Variants in ZNF208 observed in about 807,000 individuals in gnomAD.
ZNF208 encodes zinc finger protein 208, also known as zinc finger protein 95.
ZNF208 carries 10 observed loss-of-function variants against 12.1 expected under a neutral mutation model. The ratio of observed to expected loss-of-function variants is 0.83; its 90% CI spans 0.51 to 1.40. The LOEUF is 1.40. ZNF208 is among the 40% of genes most tolerant of loss of function. The pLI, the probability that ZNF208 is intolerant of heterozygous loss-of-function variation, is 0.00. For missense variants in ZNF208, 1,652 were observed against 1,485.0 expected (o/e 1.11, Z -1.85); for synonymous variants, 497 against 488.4 (o/e 1.02, Z -0.23).
intron 1 of ZNF208, among the ~76,000 whole-genome samples, chr19:22,009,935 C>A (rs1294045380): frequency 6.6e-6 from 1 of 152,150 alleles, no homozygotes; most frequent in African/African-American, 2.4e-5. Context: ...CCTATAATCC[C>A]AGCATTTTGG....
intron 3 of ZNF208, among the ~76,000 whole-genome samples, chr19:21,983,261 T>A (rs1970576524): frequency 1.3e-5 from 2 of 151,782 alleles, no homozygotes; most frequent in Admixed American, 6.6e-5. Flanking sequence ...AAAAAGCACA[T>A]CATCACTGGT....
At chr19:22,010,704 G>C in intron 1 of ZNF208, 88 bp downstream of exon 1, 1 of 1,598,998 alleles carries the variant, frequency 6.3e-7, no homozygotes, top group Non-Finnish European at 8.6e-7. Context: ...GCTGACTGCG[G>C]GGAGGCCTGA....
chr19:21,953,207 A>G (rs935572416), intron 4 of ZNF208, among the ~76,000 whole-genome samples: 1 of 152,202 alleles, frequency 6.6e-6, no homozygotes, highest in Non-Finnish European at 1.5e-5. Context: ...CCTGAAAGTG[A>G]TGGGGAGAAT....
At chr19:21,945,079 C>T (rs906035706) in intron 4 of ZNF208, among the ~76,000 whole-genome samples, 1 of 152,324 alleles carries the variant, frequency 6.6e-6, no homozygotes, top group East Asian at 1.9e-4. Context: ...ATTTAAGATG[C>T]TAGTGAGATG....
intron 1 of ZNF208, chr19:21,997,964 G>A (rs1417762553): frequency 6.6e-6 from 1 of 151,900 alleles, no homozygotes; most frequent in Non-Finnish European, 1.5e-5. Context: ...AGTTAAAAGT[G>A]TCTTAAGAAA....
downstream of ZNF208, among the ~76,000 whole-genome samples, chr19:21,963,357 T>C (rs968512926): frequency 1.3e-5 from 2 of 152,098 alleles, no homozygotes; most frequent in Non-Finnish European, 2.9e-5. Context: ...GTACTATAAA[T>C]AAACAATCTT....
intron 4 of ZNF208, among the ~76,000 whole-genome samples, chr19:21,948,542 C>A (rs969512016): frequency 6.6e-6 from 1 of 152,146 alleles, no homozygotes; most frequent in Non-Finnish European, 1.5e-5. Flanking sequence ...ACTGAAGAAA[C>A]CCACATAATT....
intron 1 of ZNF208, chr19:21,991,811 A>G (rs1488220822): frequency 6.6e-6 from 1 of 151,810 alleles, no homozygotes; most frequent in East Asian, 1.9e-4. Flanking sequence ...TATTATTCAG[A>G]TGGAATAGAT....
chr19:22,001,907 A>C (rs928845096), intron 1 of ZNF208, among the ~76,000 whole-genome samples: 1 of 141,494 alleles, frequency 7.1e-6, no homozygotes, highest in Non-Finnish European at 1.5e-5. Context: ...AAAAAAAAAA[A>C]AAAAAAAAAA....
chr19:21,960,705 T>C lies in ZNF208; in HGVS notation c.305+14024A>G, dbSNP rs984766177. Among the ~76,000 whole-genome samples, 13 of 152,214 alleles carry C rather than the reference T, an allele frequency of 8.5e-5. No individual in the cohort carries two copies. The East Asian group carries it at 2.5e-3, about 29-fold the overall frequency. ...TGAGACCAGTCAGTATATTGTAGCT[T>C]TTTCTCCAGCCACAACCAGAAAGTC... On this transcript the variant is annotated intron_variant, in intron 4 of 4. Transcript: ENST00000599916.
chr19:22,006,420 C>G lies in ZNF208; in HGVS notation c.3+4372G>C, dbSNP rs553208060. ...TTTATTTTAAAACCTCTCGAATCTG[C>G]CTCAAAACAGTAACAATTTACTGTT... On this transcript the variant is annotated intron_variant, in intron 1 of 3. Coordinates refer to ENST00000397126, the MANE Select transcript of ZNF208 (RefSeq NM_007153.3). Among the ~76,000 whole-genome samples the G allele has an allele frequency of 1.5e-4, 23 of 152,026 alleles. No individual in the cohort carries two copies. In the South Asian group the frequency reaches 4.8e-3, roughly 32 times the overall value.
intron 1 of ZNF208, among the ~76,000 whole-genome samples, chr19:21,996,229 A>C (rs1482432704): frequency 6.6e-6 from 1 of 152,258 alleles, no homozygotes; most frequent in East Asian, 1.9e-4. Context: ...CCTGGAATCT[A>C]CACTTTCATT....
rs1970262168 is a variant in ZNF208, at chr19:21,970,690, T to C, written c.*501A>G. On this transcript the variant is annotated 3_prime_UTR_variant, in exon 4 of 4. Transcript: ENST00000397126. ...GCCTTTGCCACATTCTTCTCATTTGTAGAGTTTCTCTCCAGCATGAATTTT... is the reference window on the plus strand; with the variant it reads ...GCCTTTGCCACATTCTTCTCATTTGCAGAGTTTCTCTCCAGCATGAATTTT... 3 of 1,139,994 alleles carry C rather than the reference T, an allele frequency of 2.6e-6. No individual in the cohort carries two copies. The highest frequency in any genetic ancestry group is 2.5e-5 in the South Asian group (2 of 81,582). 70.6% of individuals were successfully genotyped at this position (1,139,994 alleles called of 1,614,324 possible).
chr19:21,994,463 A>G (rs997130309), intron 1 of ZNF208, among the ~76,000 whole-genome samples: 37 of 152,166 alleles, frequency 2.4e-4, no homozygotes, highest in African/African-American at 8.4e-4. Context: ...AAGGCCTCCA[A>G]AAAAGGGTGA....
rs1411071527 is a variant in ZNF208, at chr19:21,966,459, T to C, written c.*4732A>G. On this transcript the variant is annotated 3_prime_UTR_variant, in exon 4 of 4. Transcript: ENST00000397126. ...TACTTCATTCTCTTCTGTTGCTGCA[T>C]AGTATTGGAGGTTGTATAAGTACAT... is the stretch of plus-strand genomic sequence containing the variant. 1 of 152,134 alleles carries C rather than the reference T, an allele frequency of 6.6e-6. No individual in the cohort carries two copies. Among genetic ancestry groups the C allele is most frequent in the Non-Finnish European group, 1.5e-5 (1 of 67,996 alleles). 9.4% of individuals were successfully genotyped at this position (152,134 alleles called of 1,614,324 possible).
In ZNF208 at chr19:21,959,294, C is replaced by T. The variant is rs115357682; in HGVS notation, c.305+15435G>A. On this transcript the variant is annotated intron_variant, in intron 4 of 4. Transcript: ENST00000599916. ...ATGTTTGACAAAGAAGAATGTTACA[C>T]AGAACCTTCTTGTGCTACCCATGTG... Among the ~76,000 whole-genome samples the T allele has an allele frequency of 2.5e-3, 375 of 152,294 alleles. 2 individuals carry two copies. The highest frequency in any genetic ancestry group is 8.3e-3 in the African/African-American group (343 of 41,554).
Position 21,987,793 on chromosome 19 carries a change from T to G in ZNF208, c.131-482A>C, listed in dbSNP as rs1970653472. ...GCTATAGATTAGGTGTATGACACAC[T>G]ACCTCCCTTTCACCATTTCACCCCT... On this transcript the variant is annotated intron_variant, in intron 2 of 3. Coordinates refer to ENST00000397126, the MANE Select transcript of ZNF208 (RefSeq NM_007153.3). Among the ~76,000 whole-genome samples the G allele has an allele frequency of 2.0e-5, 3 of 152,170 alleles. No homozygotes were observed. In the South Asian group the frequency reaches 6.2e-4, roughly 32 times the overall value.
chr19:21,944,549 A>C (rs144316113), intron 4 of ZNF208, among the ~76,000 whole-genome samples: 2 of 152,166 alleles, frequency 1.3e-5, no homozygotes, highest in Non-Finnish European at 2.9e-5. Context: ...AATATATACT[A>C]TATTATTTAG....
intron 1 of ZNF208, among the ~76,000 whole-genome samples, chr19:22,001,904 AAAAAAAAAAAAAAAAAAG>A (rs1354874765): frequency 4.1e-5 from 3 of 73,098 alleles, no homozygotes; most frequent in South Asian, 4.9e-4. Context: ...AAAAAAAAAA[AAAAAAAAAAAAAAAAAAG>A]AAAAAAGAAA....
Sources: allele counts gnomAD v4.1 joint callset (sites outside exome capture counted in the v4.1 genomes callset), GRCh38; gene constraint gnomAD v4.1.1; transcripts MANE v1.5; gene names NCBI Gene and HGNC (gene_info 2026-07-23, HGNC 2026-07-21).